EMILIN2: variants seen among roughly 807,000 people sequenced by gnomAD.
The protein encoded by EMILIN2 is elastin microfibril interfacer 2.
Under a neutral mutation model 87.1 loss-of-function variants are expected in EMILIN2, and 71 were observed. The ratio of observed to expected loss-of-function variants is 0.82; its 90% CI spans 0.67 to 0.99. The LOEUF is 0.99. Among genes scored for constraint, EMILIN2 ranks in the 50% least tolerant of loss-of-function variants. EMILIN2 has a pLI of 0.00. For synonymous variants in EMILIN2, 581 were observed against 563.4 expected (o/e 1.03, Z -0.44); for missense variants, 1,407 against 1,371.8 (o/e 1.03, Z -0.40).
At chr18:2,906,391 A>AG (rs2076912265) in intron 4 of EMILIN2, 1 of 158,656 alleles carries the variant, frequency 6.3e-6, no homozygotes, top group Non-Finnish European at 1.4e-5. Context: ...CCCCGGCAGG[A>AG]GTGTGGTTCA....
chr18:2,890,479 T>A lies in EMILIN2; in HGVS notation c.434-82T>A, dbSNP rs72870050. The stretch of plus-strand genomic sequence containing the variant: ...TAAGTGAAGATGTACATGTATTTTG[T>A]AGGTACCTTGTTTATTGTCTTGGCA... On this transcript the variant is annotated intron_variant, in intron 3 of 7. Coordinates refer to ENST00000254528, the MANE Select transcript of EMILIN2 (RefSeq NM_032048.3). This position sits in a 1 kb window ranked among gnomAD's most constrained non-coding sequence, Gnocchi z 4.7. 5.6e-3 allele frequency: 8,301 copies of A among 1,474,520 alleles called. 37 individuals are homozygous for A. The highest frequency in any genetic ancestry group is 0.026 in the Middle Eastern group (124 of 4,816). The allele number at this position is 1,474,520 out of a possible 1,614,324, so 91.3% of individuals were successfully genotyped here. A position where few individuals can be genotyped will look rare whatever the true frequency, so the allele number is the denominator to read the frequency against.
chr18:2,875,671 C>CAA (rs74679484), intron 2 of EMILIN2, among the ~76,000 whole-genome samples: 1 of 151,844 alleles, frequency 6.6e-6, no homozygotes, highest in South Asian at 2.1e-4. Flanking sequence ...CATGCATGAG[C>CAA]TATATTTCAA....
chr18:2,893,617 G>A (rs2076850251), intron 4 of EMILIN2, among the ~76,000 whole-genome samples: 1 of 152,174 alleles, frequency 6.6e-6, no homozygotes, highest in Admixed American at 6.5e-5. Flanking sequence ...TCTTGTACCT[G>A]GGTTTGTACT....
rs1376215432 is a variant in EMILIN2 at position 2,906,895 on chromosome 18, C to T, written c.2472C>T (p.Pro824=). 3.2e-5 allele frequency: 45 copies of T among 1,388,616 alleles called. No individual in the cohort carries two copies. The highest frequency in any genetic ancestry group is 4.0e-5 in the Non-Finnish European group (43 of 1,069,342). The allele number at this position is 1,388,616 out of a possible 1,614,324, so 86.0% of individuals were successfully genotyped here. A position where few individuals can be genotyped will look rare whatever the true frequency, so the allele number is the denominator to read the frequency against. ...PATAEDPGRR[P]VLPQRPPEER... ...CCGCAGAGGACCCTGGGCGACGGCC[C>T]GTCCTGCCCCAGCGGCCCCCCGAGG... Residue 824 remains proline (P), a synonymous_variant, in exon 5 of 8, where the codon CCC becomes CCT. Transcript: ENST00000254528.
Position 2,908,975 on chromosome 18 carries a change from G to A in EMILIN2, c.2695G>A (p.Gly899Arg). 2 of 1,613,364 alleles carry A rather than the reference G, an allele frequency of 1.2e-6. No homozygotes were observed. Among genetic ancestry groups the A allele is most frequent in the Admixed American group, 1.7e-5 (1 of 60,026 alleles). The change falls in exon 6 of 8, where the codon GGA becomes AGA. Residue 899 changes from glycine to arginine, a missense_variant and splice_region_variant. By Grantham distance (125) the Gly-to-Arg change is moderately radical. Transcript: ENST00000254528. ...YPKSPPVASP[G>R]APVPSLVSFS... is the part of the protein sequence containing the mutation. ...GAAGTCACCTCCTGTAGCTTCCCCA[G>A]GTATGTCTGCTGAGAGACCAGGAGC...
At chr18:2,912,946 C>A in intron 7 of EMILIN2, 121 bp from the exon 8 acceptor site, 1 of 1,040,842 alleles carries the variant, frequency 9.6e-7, no homozygotes, top group South Asian at 1.5e-5. Flanking sequence ...AGCCAGCTAC[C>A]ATGGGAAGAC....
intron 2 of EMILIN2, among the ~76,000 whole-genome samples, chr18:2,853,459 C>T (rs193065602): frequency 6.6e-6 from 1 of 151,810 alleles, no homozygotes; most frequent in African/African-American, 2.4e-5. Context: ...GACATGGAAT[C>T]GGAGTGACTT....
At chr18:2,859,141 A>G (rs1186740713) in intron 2 of EMILIN2, among the ~76,000 whole-genome samples, 2 of 152,166 alleles carry the variant, frequency 1.3e-5, no homozygotes, top group Non-Finnish European at 2.9e-5. Flanking sequence ...AGGAACCCCC[A>G]TGCTGTTTTC....
intron 6 of EMILIN2, 122 bp downstream of exon 6, chr18:2,909,097 T>C (rs1240948344): frequency 2.4e-6 from 3 of 1,244,122 alleles, no homozygotes; most frequent in Non-Finnish European, 3.5e-6. Context: ...GGCCCAGCCC[T>C]TCCCCACCCA....
rs978096814 is a variant in EMILIN2, at chr18:2,848,041, C to G, written c.257+110C>G. ...TCCCTCCGGTAAATCCCTTCCAGAT[C>G]CGGTGAAAAGCCCGCAGCGGAAAAG... On this transcript the variant is annotated intron_variant, in intron 2 of 7. Transcript: ENST00000254528. This position sits in a 1 kb window ranked among gnomAD's most constrained non-coding sequence, Gnocchi z 4.1. The G allele has an allele frequency of 7.5e-7, 1 of 1,327,870 alleles. No homozygotes were observed. Among genetic ancestry groups the G allele is most frequent in the African/African-American group, 1.5e-5 (1 of 66,668 alleles). The allele number at this position is 1,327,870 out of a possible 1,614,324, so 82.3% of individuals were successfully genotyped here. A position where few individuals can be genotyped will look rare whatever the true frequency, so the allele number is the denominator to read the frequency against.
intron 7 of EMILIN2, among the ~76,000 whole-genome samples, chr18:2,910,442 G>A (rs1039501458): frequency 6.6e-6 from 1 of 152,194 alleles, no homozygotes; most frequent in African/African-American, 2.4e-5. Flanking sequence ...TGTCCCATCA[G>A]TGTCCACCTG....
Position 2,913,657 on chromosome 18 carries a change from C to T in EMILIN2, c.*253C>T. On this transcript the variant is annotated 3_prime_UTR_variant, in exon 8 of 8. Coordinates refer to ENST00000254528, the MANE Select transcript of EMILIN2 (RefSeq NM_032048.3). ...GGACAACTGGAAGACTTGGAAAGGC[C>T]TCCACCTGTATCTACACTCTGAGGG... 1 of 386,632 alleles carries T rather than the reference C, an allele frequency of 2.6e-6. No individual in the cohort carries two copies. Among genetic ancestry groups the T allele is most frequent in the South Asian group, 4.6e-5 (1 of 21,530 alleles). 24.0% of individuals were successfully genotyped at this position (386,632 alleles called of 1,614,324 possible). A position where few individuals can be genotyped will look rare whatever the true frequency, so the allele number is the denominator to read the frequency against.
chr18:2,913,213 G>A lies in EMILIN2; in HGVS notation c.2971G>A (p.Glu991Lys), dbSNP rs145383187. The change falls in exon 8 of 8, where the codon GAA (glutamate) becomes AAA (lysine). Residue 991 changes from glutamate (E) to lysine (K), a missense_variant. Coordinates refer to ENST00000254528, the MANE Select transcript of EMILIN2 (RefSeq NM_032048.3). Reference sequence around the variant, plus strand: ...CGCTGGGTACAGGAGAGAGTTCCTGGAATACCACCGCCCTCCAGGAGCTTT... The same window carrying A: ...CGCTGGGTACAGGAGAGAGTTCCTGAAATACCACCGCCCTCCAGGAGCTTT... ...HTAGYRREFLEYHRPPGALHT... is the reference protein window; with the variant it reads ...HTAGYRREFLKYHRPPGALHT... 671 of 1,614,028 alleles carry A rather than the reference G, an allele frequency of 4.2e-4. 2 individuals are homozygous for A. Among genetic ancestry groups the A allele is most frequent in the Non-Finnish European group, 5.3e-4 (621 of 1,180,012 alleles).
At position 2,885,797 on chromosome 18, in the gene EMILIN2, C is replaced by T. The variant is rs145064830; in HGVS notation, c.433+658C>T. On this transcript the variant is annotated intron_variant, in intron 3 of 7. Coordinates refer to ENST00000254528, the MANE Select transcript of EMILIN2 (RefSeq NM_032048.3). ...CCTCCCAAAGTGCTGGGATTACAGG[C>T]GTGAGCCACTGTGCCTGGCCATCAC... 6.6e-3 allele frequency among the ~76,000 whole-genome samples: 1,001 copies of T among 152,230 alleles called. 3 individuals are homozygous for T. Among genetic ancestry groups the T allele is most frequent in the Admixed American group, 0.012 (181 of 15,284 alleles).
At chr18:2,864,288 A>C (rs1282506801) in intron 2 of EMILIN2, among the ~76,000 whole-genome samples, 2 of 152,176 alleles carry the variant, frequency 1.3e-5, no homozygotes, top group African/African-American at 2.4e-5. Context: ...TATTTTGCTC[A>C]TTAGTTGATG....
intron 2 of EMILIN2, among the ~76,000 whole-genome samples, chr18:2,877,436 GT>G (rs33950110): frequency 0.69 from 94,587 of 136,328 alleles, 32,471 homozygotes; most frequent in East Asian, 0.77. Flanking sequence ...TTGACTGACA[GT>G]TTTTTTTTTT....
intron 7 of EMILIN2, among the ~76,000 whole-genome samples, chr18:2,910,442 G>T (rs1039501458): frequency 6.6e-6 from 1 of 152,312 alleles, no homozygotes; most frequent in South Asian, 2.1e-4. Context: ...TGTCCCATCA[G>T]TGTCCACCTG....
intron 2 of EMILIN2, among the ~76,000 whole-genome samples, chr18:2,875,643 G>A (rs1378436765): frequency 4.0e-5 from 6 of 149,526 alleles, no homozygotes; most frequent in African/African-American, 9.9e-5. Context: ...TTTGTGATGC[G>A]TCTCCCACAG....
intron 2 of EMILIN2, among the ~76,000 whole-genome samples, chr18:2,884,476 C>T (rs890965373): frequency 1.3e-5 from 2 of 152,040 alleles, no homozygotes; most frequent in African/African-American, 4.8e-5. Context: ...GAACTCCTGG[C>T]CTCAAGTGAT....
Sources: gnomAD v4.1 joint callset for allele counts (sites outside exome capture counted in the v4.1 genomes callset) on GRCh38, gnomAD v4.1.1 for gene constraint, Gnocchi (gnomAD v3.1) non-coding constraint, MANE v1.5 for transcripts, NCBI Gene and HGNC (gene_info 2026-07-23, HGNC 2026-07-21) for gene names.